The following LINGO3 variants were observed in gnomAD, a reference collection of about 807,000 sequenced individuals.
LINGO3 encodes leucine-rich repeat and immunoglobulin-like domain-containing nogo receptor-interacting protein 3.
For missense variants in LINGO3, 750 were observed against 867.7 expected (o/e 0.86, Z 1.70); for synonymous variants, 427 against 444.2 (o/e 0.96, Z 0.49).
chr19:2,308,142 AGCCGCC>A, the LINGO3 span, among the ~76,000 whole-genome samples: 100 of 139,672 alleles, frequency 7.2e-4, no homozygotes, highest in African/African-American at 1.2e-3. Flanking sequence ...CGACACGAGC[AGCCGCC>A]GCCGCCGCCG....
chr19:2,290,360 G>A lies in LINGO3; in HGVS notation c.1417C>T (p.Gln473Ter), dbSNP rs1359411298. 1.3e-6 allele frequency: 2 copies of A among 1,495,304 alleles called. No individual in the cohort carries two copies. The highest frequency in any genetic ancestry group is 1.8e-6 in the Non-Finnish European group (2 of 1,131,116). 92.6% of individuals were successfully genotyped at this position (1,495,304 alleles called of 1,614,324 possible). ...ACGCACGTGTAGGTGCCGCTGTCCT[G>A]CGGCCGCGCGTCCTGGATCTCCAGC... Residue 473 changes from glutamine (Q) to a stop codon, truncating the protein, a stop_gained, in exon 1 of 1, where the codon CAG (glutamine) becomes TAG (stop). Transcript: ENST00000585527. LOFTEE classifies it low-confidence loss of function (END_TRUNC). The surrounding 1 kb of genome is among the most constrained non-coding windows in gnomAD (Gnocchi z 6.0).
At chr19:2,294,944 C>T (rs1194344210), upstream of LINGO3, among the ~76,000 whole-genome samples, 3 of 152,112 alleles carry the variant, frequency 2.0e-5, no homozygotes, top group Non-Finnish European at 2.9e-5. The surrounding 1 kb of genome is among the most constrained non-coding windows in gnomAD (Gnocchi z 4.3). Context: ...GAGCCCCCCT[C>T]GGCATCCCCC....
At chr19:2,291,304 C>T in exon 1 of LINGO3, 3 of 1,612,780 alleles carry the variant, frequency 1.9e-6, no homozygotes, top group Non-Finnish European at 2.5e-6. Flanking sequence ...GTCGTTGTCG[C>T]CCACTTCCAG....
chr19:2,302,070 T>C, the LINGO3 span, among the ~76,000 whole-genome samples: 2 of 141,346 alleles, frequency 1.4e-5, no homozygotes, highest in African/African-American at 5.2e-5. Context: ...GTTTTTTTTT[T>C]TTTTTTTTTT....
chr19:2,307,937 G>A, the LINGO3 span, among the ~76,000 whole-genome samples: 1 of 152,128 alleles, frequency 6.6e-6, no homozygotes, highest in Non-Finnish European at 1.5e-5. Flanking sequence ...GAGCCCGGGA[G>A]GGGTGCGCGG....
the LINGO3 span, among the ~76,000 whole-genome samples, chr19:2,305,766 G>T: frequency 0.62 from 93,534 of 151,864 alleles, 31,083 homozygotes; most frequent in Non-Finnish European, 0.77. Context: ...CAGGGCGGTG[G>T]GAGTAAGGGG....
At chr19:2,288,091 G>A (rs185189868), downstream of LINGO3, among the ~76,000 whole-genome samples, 4 of 152,314 alleles carry the variant, frequency 2.6e-5, no homozygotes, top group Admixed American at 6.5e-5. The surrounding 1 kb of genome is among the most constrained non-coding windows in gnomAD (Gnocchi z 6.5). Context: ...GCTCCTGCTT[G>A]TTTGCCCCCC....
chr19:2,292,743 G>A (rs2025538513), upstream of LINGO3, among the ~76,000 whole-genome samples: 1 of 152,056 alleles, frequency 6.6e-6, no homozygotes, highest in South Asian at 2.1e-4. Context: ...ACCTGCCTCC[G>A]CCTCCCAAAG....
upstream of LINGO3, among the ~76,000 whole-genome samples, chr19:2,294,506 C>A (rs2025556310): frequency 6.6e-6 from 1 of 152,244 alleles, no homozygotes; most frequent in South Asian, 2.1e-4. The surrounding 1 kb of genome is among the most constrained non-coding windows in gnomAD (Gnocchi z 4.3). Context: ...TTGAACAGAG[C>A]CCATGGTTTT....
the LINGO3 span, among the ~76,000 whole-genome samples, chr19:2,300,450 C>G: frequency 6.6e-6 from 1 of 151,990 alleles, no homozygotes; most frequent in Non-Finnish European, 1.5e-5. Context: ...GGACCACCCC[C>G]CTCCCAGGAA....
At chr19:2,295,067 G>A (rs1003276989), upstream of LINGO3, among the ~76,000 whole-genome samples, 17 of 152,138 alleles carry the variant, frequency 1.1e-4, no homozygotes, top group Non-Finnish European at 1.3e-4. Context: ...GTGCCTACGC[G>A]AATTTAATCC....
chr19:2,289,004 G>T (rs780948779), downstream of LINGO3, among the ~76,000 whole-genome samples: 3 of 151,284 alleles, frequency 2.0e-5, no homozygotes, highest in Admixed American at 6.6e-5. Flanking sequence ...TGTCCCAGAT[G>T]TGAGTTCTGT....
chr19:2,299,584 C>T, the LINGO3 span, among the ~76,000 whole-genome samples: 2 of 151,006 alleles, frequency 1.3e-5, no homozygotes, highest in African/African-American at 4.9e-5. Context: ...CCACTATGCC[C>T]GGCTAATTTT....
At chr19:2,299,812 C>G in the LINGO3 span, among the ~76,000 whole-genome samples, 1 of 150,364 alleles carries the variant, frequency 6.7e-6, no homozygotes, top group African/African-American at 2.5e-5. Flanking sequence ...CAAGCTTCGC[C>G]CCCTGGGTTC....
chr19:2,303,041 A>G, the LINGO3 span, among the ~76,000 whole-genome samples: 1 of 152,232 alleles, frequency 6.6e-6, no homozygotes, highest in Non-Finnish European at 1.5e-5. Context: ...AACGCCTTCT[A>G]GCACATTCAC....
the LINGO3 span, among the ~76,000 whole-genome samples, chr19:2,308,127 G>T: frequency 7.3e-6 from 1 of 137,516 alleles, no homozygotes. Context: ...GGGGCCGCCC[G>T]GAGCCGACAC....
upstream of LINGO3, among the ~76,000 whole-genome samples, chr19:2,293,935 C>A (rs1000285383): frequency 2.6e-5 from 4 of 151,922 alleles, no homozygotes; most frequent in African/African-American, 9.7e-5. Context: ...CATCTATAGT[C>A]CTAACTAGGG....
rs756477359 is a variant in LINGO3, at chr19:2,290,406, C to T, written c.1371G>A (p.Ala457=). 3.5e-6 allele frequency: 5 copies of T among 1,428,834 alleles called. No individual in the cohort carries two copies. The highest frequency in any genetic ancestry group is 4.5e-6 in the Non-Finnish European group (5 of 1,098,948). 88.5% of individuals were successfully genotyped at this position (1,428,834 alleles called of 1,614,324 possible). Residue 457 remains alanine, a synonymous_variant, in exon 1 of 1, where the codon GCG becomes GCA. Coordinates refer to ENST00000585527, the Ensembl canonical transcript of LINGO3. The surrounding 1 kb of genome is among the most constrained non-coding windows in gnomAD (Gnocchi z 6.0). ...CCAGCGTCCCCCCGGGGAGCACGCG[C>T]GCCCGGCCCGCGCTGGTGGCCGTCA...
chr19:2,290,001 G>T lies in LINGO3; in HGVS notation c.1776C>A (p.Ile592=). Reference sequence around the variant, plus strand: ...GAGGGTCCGCCCTGGGGACCCCTCAGATCATCTTCATGTTGAACTTGCGCG... The same window carrying T: ...GAGGGTCCGCCCTGGGGACCCCTCATATCATCTTCATGTTGAACTTGCGCG... Residue 592 remains isoleucine (I), a synonymous_variant, in exon 1 of 1, where the codon ATC becomes ATA. Coordinates refer to ENST00000585527, the Ensembl canonical transcript of LINGO3. The surrounding 1 kb of genome is among the most constrained non-coding windows in gnomAD (Gnocchi z 6.0). The T allele has an allele frequency of 6.5e-7, 1 of 1,539,504 alleles. No individual in the cohort carries two copies. Among genetic ancestry groups the T allele is most frequent in the Non-Finnish European group, 8.8e-7 (1 of 1,141,128 alleles).
Sources: gnomAD v4.1 joint callset for allele counts (sites outside exome capture counted in the v4.1 genomes callset) on GRCh38, gnomAD v4.1.1 for gene constraint, Gnocchi (gnomAD v3.1) non-coding constraint, MANE v1.5 for transcripts, NCBI Gene and HGNC (gene_info 2026-07-23, HGNC 2026-07-21) for gene names.